POLR2F: variants seen among roughly 807,000 people sequenced by gnomAD.
POLR2F encodes the protein RNA polymerase II, I and III subunit F.
Under a neutral mutation model 22.7 loss-of-function variants are expected in POLR2F, and 12 were observed. The observed-to-expected ratio is 0.53, with a 90% CI of 0.34 to 0.86. The LOEUF (loss-of-function observed/expected upper bound fraction) is 0.86. Ranked by LOEUF, POLR2F falls within the 40% of genes least tolerant of loss-of-function variation. POLR2F has a pLI of 0.02. For synonymous variants in POLR2F, 57 were observed against 66.0 expected, an observed-to-expected ratio of 0.86 and a Z score of 0.66; for missense variants, 126 against 171.5, an observed-to-expected ratio of 0.73 and a Z score of 1.48.
At position 37,956,751 on chromosome 22, in the gene POLR2F, C is replaced by T. The variant is rs778784154; in HGVS notation, c.21-22C>T. On this transcript the variant is annotated intron_variant, in intron 1 of 4. Coordinates refer to ENST00000442738, the MANE Select transcript of POLR2F (RefSeq NM_021974.5). ...TTCTTTTAAGTGATGCTCTAAGTAACTGATCTCTTCTTCCTGTACAGTTTT... is the reference window on the plus strand; with the variant it reads ...TTCTTTTAAGTGATGCTCTAAGTAATTGATCTCTTCTTCCTGTACAGTTTT... The T allele has an allele frequency of 2.5e-6, 4 of 1,599,026 alleles. No homozygotes were observed. The South Asian group carries it at 4.4e-5, about 18-fold the overall frequency.
At chr22:37,973,376 A>T, downstream of POLR2F, 1 of 690,458 alleles carries the variant, frequency 1.4e-6, no homozygotes, top group Non-Finnish European at 2.4e-6. Context: ...CCGACCTGTC[A>T]GCCTCTTCAG....
At chr22:37,993,709 G>T (rs1485531864) in intron 1 of POLR2F, among the ~76,000 whole-genome samples, 1 of 152,180 alleles carries the variant, frequency 6.6e-6, no homozygotes, top group Non-Finnish European at 1.5e-5. Flanking sequence ...GATAAAAAGG[G>T]CCGGGCACAG....
upstream of POLR2F, among the ~76,000 whole-genome samples, chr22:37,985,482 T>C (rs1383400630): frequency 2.0e-5 from 3 of 152,196 alleles, no homozygotes; most frequent in East Asian, 5.8e-4. Context: ...CCTTTTTCTC[T>C]CTCTTTCCTT....
chr22:37,954,428 G>A (rs987398489), intron 1 of POLR2F, among the ~76,000 whole-genome samples: 3 of 151,954 alleles, frequency 2.0e-5, no homozygotes, highest in African/African-American at 7.3e-5. Context: ...TCAGCCTCCC[G>A]ACTAGCTGGG....
upstream of POLR2F, among the ~76,000 whole-genome samples, chr22:37,983,053 G>T (rs970613822): frequency 6.6e-6 from 1 of 152,190 alleles, no homozygotes; most frequent in African/African-American, 2.4e-5. This position sits in a 1 kb window ranked among gnomAD's most constrained non-coding sequence, Gnocchi z 9.5. Flanking sequence ...GTTAGTGAAG[G>T]CCTCCTTCCC....
downstream of POLR2F, among the ~76,000 whole-genome samples, chr22:38,031,005 G>C (rs2085059579): frequency 6.6e-6 from 1 of 152,084 alleles, no homozygotes; most frequent in East Asian, 1.9e-4. This position sits in a 1 kb window ranked among gnomAD's most constrained non-coding sequence, Gnocchi z 4.1. Flanking sequence ...CCCTGGGCAA[G>C]AGGTAAGGAA....
intron 1 of POLR2F, among the ~76,000 whole-genome samples, chr22:38,004,401 A>G (rs1002353886): frequency 6.6e-6 from 1 of 152,116 alleles, no homozygotes; most frequent in African/African-American, 2.4e-5. Context: ...AGTGAAGGAC[A>G]TTGGAAATAG....
At chr22:38,002,852 A>T (rs2084785862) in intron 1 of POLR2F, among the ~76,000 whole-genome samples, 1 of 151,380 alleles carries the variant, frequency 6.6e-6, no homozygotes, top group Non-Finnish European at 1.5e-5. Flanking sequence ...CAGCCTCCCG[A>T]GTAGCTGGGA....
rs1328134392 is a variant in POLR2F at position 37,954,335 on chromosome 22, C to T, written c.20+528C>T. Among the ~76,000 whole-genome samples the T allele has an allele frequency of 2.6e-5, 4 of 151,226 alleles. 1 individual carries two copies. Among genetic ancestry groups the T allele is most frequent in the Non-Finnish European group, 5.9e-5 (4 of 67,890 alleles). The stretch of plus-strand genomic sequence containing the variant: ...TTTTTTTTTTTGAAACAGAGTCTTG[C>T]TCTGTCGCCCAGGCTGGAGTGCAGT... On this transcript the variant is annotated intron_variant, in intron 1 of 4. Transcript: ENST00000442738.
chr22:37,972,383 A>AG, downstream of POLR2F: 1 of 462,512 alleles, frequency 2.2e-6, no homozygotes, highest in East Asian at 7.2e-5. Flanking sequence ...TGGCTAGGAG[A>AG]GGGGACTACT....
intron 3 of POLR2F, among the ~76,000 whole-genome samples, chr22:37,965,856 T>C (rs1931832837): frequency 6.6e-6 from 1 of 152,218 alleles, no homozygotes; most frequent in African/African-American, 2.4e-5. Flanking sequence ...TTTTTTAGCA[T>C]GCTCTCCTGT....
At chr22:38,034,606 A>C (rs1204795301) in intron 5 of POLR2F, among the ~76,000 whole-genome samples, 1 of 152,200 alleles carries the variant, frequency 6.6e-6, no homozygotes, top group Non-Finnish European at 1.5e-5. Flanking sequence ...CCAGCCGTGC[A>C]GCCCTGGACC....
chr22:37,983,769 C>T, upstream of POLR2F: 3 of 1,470,076 alleles, frequency 2.0e-6, no homozygotes, highest in Non-Finnish European at 2.7e-6. The surrounding 1 kb of genome is among the most constrained non-coding windows in gnomAD (Gnocchi z 9.5). Context: ...TCCGATAGGT[C>T]CTGCTCCTCC....
At chr22:37,967,424 T>C (rs1601873175) in intron 4 of POLR2F, 41 of 1,434,484 alleles carry the variant, frequency 2.9e-5, no homozygotes, top group Non-Finnish European at 3.7e-5. Context: ...GCCTTACCAA[T>C]ATTCTGTCAT....
chr22:37,995,359 A>G (rs1288037833), intron 1 of POLR2F, among the ~76,000 whole-genome samples: 1 of 152,134 alleles, frequency 6.6e-6, no homozygotes, highest in Non-Finnish European at 1.5e-5. Flanking sequence ...TGGGTCTGTC[A>G]TTCCCTTAGC....
chr22:37,992,468 C>T (rs1932747320), intron 1 of POLR2F, among the ~76,000 whole-genome samples: 1 of 151,822 alleles, frequency 6.6e-6, no homozygotes, highest in Non-Finnish European at 1.5e-5. Flanking sequence ...GGTCTTGGCT[C>T]ACTGCAACAT....
chr22:38,019,531 A>G (rs2084942665), intron 1 of POLR2F, among the ~76,000 whole-genome samples: 1 of 152,172 alleles, frequency 6.6e-6, no homozygotes, highest in Admixed American at 6.5e-5. Context: ...TGATCCCCCA[A>G]GCACGCCCTG....
chr22:37,999,661 G>T (rs1221638756), intron 1 of POLR2F, among the ~76,000 whole-genome samples: 1 of 152,120 alleles, frequency 6.6e-6, no homozygotes, highest in Non-Finnish European at 1.5e-5. Flanking sequence ...GAGGCAGTGG[G>T]GTGCGGAGGA....
At chr22:38,040,974 A>C in intron 5 of POLR2F, 1 of 1,591,582 alleles carries the variant, frequency 6.3e-7, no homozygotes, top group Non-Finnish European at 8.6e-7. Flanking sequence ...AGTGACGTTG[A>C]TCAAAGGCTG....
Sources: gnomAD v4.1 joint callset for allele counts (sites outside exome capture counted in the v4.1 genomes callset) on GRCh38, gnomAD v4.1.1 for gene constraint, Gnocchi (gnomAD v3.1) non-coding constraint, MANE v1.5 for transcripts, NCBI Gene and HGNC (gene_info 2026-07-23, HGNC 2026-07-21) for gene names.